SYK: variants seen among roughly 807,000 people sequenced by gnomAD.
The protein encoded by SYK is tyrosine-protein kinase SYK.
SYK carries 16 observed loss-of-function variants against 77.8 expected under a neutral mutation model. The ratio of observed to expected loss-of-function variants is 0.21; its 90% confidence interval spans 0.14 to 0.31. SYK has a LOEUF of 0.31. SYK is among the 10% of genes least tolerant of loss of function. The pLI, the probability that SYK is intolerant of heterozygous loss-of-function variation, is 1.00. For missense variants in SYK, 529 were observed against 814.4 expected (o/e 0.65, Z 4.26); for synonymous variants, 312 against 308.7 (o/e 1.01, Z -0.11).
chr9:90,807,218 A>G (rs10821508), intron 1 of SYK, among the ~76,000 whole-genome samples: 35,459 of 152,066 alleles, frequency 0.23, 4,195 homozygotes, highest in Middle Eastern at 0.35. Context: ...TGGCTCTGCC[A>G]CAGCCTCTTT....
chr9:90,855,011 T>TACACACACACACACACACACACACAC (rs55839931), intron 3 of SYK, among the ~76,000 whole-genome samples: 12 of 143,412 alleles, frequency 8.4e-5, no homozygotes, highest in African/African-American at 3.1e-4. Context: ...CACACATACA[T>TACACACACACACACACACACACACAC]ACACACACAC....
intron 1 of SYK, among the ~76,000 whole-genome samples, chr9:90,838,280 TC>T (rs758374976): frequency 1.3e-5 from 2 of 152,196 alleles, no homozygotes; most frequent in Non-Finnish European, 2.9e-5. Flanking sequence ...AACAAGGTCA[TC>T]CTATTCTCAC....
At chr9:90,888,482 A>C (rs1001021877) in intron 12 of SYK, 33 bp from the exon 13 acceptor site, 17 of 1,529,580 alleles carry the variant, frequency 1.1e-5, no homozygotes, top group Middle Eastern at 1.7e-4. Flanking sequence ...CCTTTAAAAA[A>C]AAAAAAGCTT....
chr9:90,802,175 G>GCCCAGGCC (rs1444744641), intron 1 of SYK: 2 of 152,380 alleles, frequency 1.3e-5, no homozygotes, highest in Non-Finnish European at 2.9e-5. Flanking sequence ...ACCCCAGGGC[G>GCCCAGGCC]CCCAGGCCCC....
chr9:90,819,593 C>T (rs936250627), intron 1 of SYK, among the ~76,000 whole-genome samples: 4 of 152,146 alleles, frequency 2.6e-5, no homozygotes, highest in African/African-American at 9.7e-5. Flanking sequence ...ATCACTATTA[C>T]AAGAATAGCA....
intron 1 of SYK, among the ~76,000 whole-genome samples, chr9:90,833,741 T>G (rs1460704076): frequency 6.6e-6 from 1 of 152,250 alleles, no homozygotes; most frequent in African/African-American, 2.4e-5. Flanking sequence ...AATGATAGTT[T>G]CCCAACTAAA....
At chr9:90,862,123 AT>A in intron 3 of SYK, 82 bp from the exon 4 acceptor site, 1 of 1,460,202 alleles carries the variant, frequency 6.8e-7, no homozygotes, top group Non-Finnish European at 9.1e-7. Flanking sequence ...GCTGCTGACC[AT>A]TCAGGCCAGG....
At chr9:90,816,981 A>G (rs907541385) in intron 1 of SYK, among the ~76,000 whole-genome samples, 4 of 152,256 alleles carry the variant, frequency 2.6e-5, no homozygotes, top group Non-Finnish European at 5.9e-5. Flanking sequence ...GGCTATTGCG[A>G]ATAGTGCTGC....
intron 1 of SYK, among the ~76,000 whole-genome samples, chr9:90,806,147 T>G (rs960529539): frequency 1.3e-5 from 2 of 152,202 alleles, no homozygotes; most frequent in Admixed American, 1.3e-4. Flanking sequence ...TTTGTTTTTG[T>G]GTTTTCTTAG....
rs1203166573 is a variant in SYK, at chr9:90,862,194, C to CCTCTCTT, written c.579-9_579-3dup. The CCTCTCTT allele has an allele frequency of 5.0e-6, 8 of 1,602,906 alleles. No homozygotes were observed. Among genetic ancestry groups the CCTCTCTT allele is most frequent in the Admixed American group, 1.7e-5 (1 of 59,274 alleles). On this transcript the variant is annotated splice_polypyrimidine_tract_variant and intron_variant, in intron 3 of 13. Coordinates refer to ENST00000375754, the MANE Select transcript of SYK (RefSeq NM_003177.7). ...GGGCCTGGGGATGATGCAGTTCCAT[C>CCTCTCTT]CTCTCTTCTAGGATCCGAGCCAGAG...
intron 1 of SYK, among the ~76,000 whole-genome samples, chr9:90,811,554 C>A (rs1473365604): frequency 6.6e-6 from 1 of 152,072 alleles, no homozygotes. Context: ...ATTTCATACA[C>A]CAAATATAAC....
At chr9:90,825,182 T>C (rs1825631782) in intron 1 of SYK, among the ~76,000 whole-genome samples, 1 of 151,136 alleles carries the variant, frequency 6.6e-6, no homozygotes, top group Admixed American at 6.6e-5. Flanking sequence ...ACAGGATCTG[T>C]ATGCAGAAAA....
chr9:90,867,070 A>G, intron 6 of SYK, 61 bp from the exon 7 acceptor site: 2 of 1,588,636 alleles, frequency 1.3e-6, no homozygotes, highest in South Asian at 2.2e-5. Flanking sequence ...ATGTCGTGGA[A>G]GGGATCCTGT....
rs766024718 is a variant in SYK at position 90,844,319 on chromosome 9, G to C, written c.417+4G>C. The C allele has an allele frequency of 6.3e-7, 1 of 1,592,516 alleles. No individual in the cohort carries two copies. Among genetic ancestry groups the C allele is most frequent in the East Asian group, 2.2e-5 (1 of 44,656 alleles). On this transcript the variant is annotated splice_donor_region_variant and intron_variant, in intron 2 of 13. Transcript: ENST00000375754. ...GAAGCAGACATGGAACCTGCAGGTGGGCCACAGCTGGTCCTGCTCCCTGGG... is the reference window on the plus strand; with the variant it reads ...GAAGCAGACATGGAACCTGCAGGTGCGCCACAGCTGGTCCTGCTCCCTGGG...
chr9:90,830,495 C>A (rs916065497), intron 1 of SYK, among the ~76,000 whole-genome samples: 6 of 152,020 alleles, frequency 3.9e-5, no homozygotes, highest in Admixed American at 6.5e-5. Flanking sequence ...CACATCACCT[C>A]TTCCTTGGTC....
rs773478505 is a variant in SYK, at chr9:90,895,565, C to T, written c.1873C>T (p.Arg625Trp). 2.5e-6 allele frequency: 4 copies of T among 1,614,014 alleles called. No individual in the cohort carries two copies. The highest frequency in any genetic ancestry group is 1.3e-5 in the African/African-American group (1 of 74,936). The change falls in exon 14 of 14, where the codon CGG becomes TGG. Residue 625 changes from arginine to tryptophan, a missense_variant. By Grantham distance (101) the Arg-to-Trp change is moderately radical. This residue lies in a region of SYK where 208 missense variants were observed against 381.3 expected (regional missense o/e 0.55). Coordinates refer to ENST00000375754, the MANE Select transcript of SYK (RefSeq NM_003177.7). The surrounding 1 kb of genome is among the most constrained non-coding windows in gnomAD (Gnocchi z 4.4). Reference protein sequence around the residue: ...NRPGFAAVELRLRNYYYDVVN With the variant: ...NRPGFAAVELWLRNYYYDVVN ...GCCCGGATTCGCAGCAGTGGAACTGCGGCTGCGCAATTACTACTATGACGT... is the reference window on the plus strand; with the variant it reads ...GCCCGGATTCGCAGCAGTGGAACTGTGGCTGCGCAATTACTACTATGACGT...
At chr9:90,857,994 G>C (rs147377425) in intron 3 of SYK, among the ~76,000 whole-genome samples, 1 of 152,138 alleles carries the variant, frequency 6.6e-6, no homozygotes. Flanking sequence ...GAATGTGCCC[G>C]GCTTTTCTGT....
At chr9:90,814,853 CACACACACACACAA>C (rs998153659) in intron 1 of SYK, among the ~76,000 whole-genome samples, 1 of 73,256 alleles carries the variant, frequency 1.4e-5, no homozygotes, top group Admixed American at 1.8e-4. Context: ...CACACACACA[CACACACACACACAA>C]AATAATGTTA....
intron 1 of SYK, among the ~76,000 whole-genome samples, chr9:90,814,106 A>G (rs767585108): frequency 2.0e-5 from 3 of 147,244 alleles, no homozygotes; most frequent in Non-Finnish European, 3.1e-5. Flanking sequence ...ATATTGTAAT[A>G]TATCAGATAT....
Sources: gnomAD v4.1 joint callset for allele counts (sites outside exome capture counted in the v4.1 genomes callset) on GRCh38, gnomAD v4.1.1 for gene constraint, gnomAD v4.1.1 regional missense constraint, Gnocchi (gnomAD v3.1) non-coding constraint, MANE v1.5 for transcripts, NCBI Gene and HGNC (gene_info 2026-07-23, HGNC 2026-07-21) for gene names.